SETDB1: variants seen among roughly 807,000 people sequenced by gnomAD.
The protein encoded by SETDB1 is SET domain bifurcated histone lysine methyltransferase 1.
Under a neutral mutation model 137.4 loss-of-function variants are expected in SETDB1, and 31 were observed. The ratio of observed to expected loss-of-function variants is 0.23; its 90% confidence interval spans 0.17 to 0.30. The LOEUF (loss-of-function observed/expected upper bound fraction) is 0.30. SETDB1 is among the 10% of genes least tolerant of loss of function. The pLI, the probability that SETDB1 is intolerant of heterozygous loss-of-function variation, is 1.00. For synonymous variants in SETDB1, 548 were observed against 579.9 expected, an observed-to-expected ratio of 0.95 and a Z score of 0.79; for missense variants, 1,113 against 1,631.5, an observed-to-expected ratio of 0.68 and a Z score of 5.47.
At chr1:150,964,126 C>T (rs1670914228) in intron 21 of SETDB1, 43 bp downstream of exon 21, 1 of 1,572,136 alleles carries the variant, frequency 6.4e-7, no homozygotes, top group African/African-American at 1.3e-5. Context: ...GGGCAAGGAC[C>T]ACTGAAGTTC....
intron 8 of SETDB1, 113 bp downstream of exon 8, chr1:150,944,106 A>G (rs1334773366): frequency 1.4e-5 from 11 of 796,402 alleles, no homozygotes; most frequent in East Asian, 9.8e-5. Flanking sequence ...CTCAAAGAGC[A>G]TAAGTTTGGT....
chr1:150,931,067 C>T (rs1266459674), intron 3 of SETDB1, among the ~76,000 whole-genome samples: 1 of 150,780 alleles, frequency 6.6e-6, no homozygotes, highest in Non-Finnish European at 1.5e-5. Context: ...TGAGACCAGC[C>T]TGGCCAACGT....
At position 150,951,500 on chromosome 1, in the gene SETDB1, G is replaced by A; in HGVS notation, c.2333+19G>A. Reference sequence around the variant, plus strand: ...CCACAGGGTAAGTGGTCAAGGAATGGCACAGTACCTCAGAGAGACTGAGGA... The same window carrying A: ...CCACAGGGTAAGTGGTCAAGGAATGACACAGTACCTCAGAGAGACTGAGGA... On this transcript the variant is annotated intron_variant, in intron 14 of 21. Coordinates refer to ENST00000692827, the MANE Select transcript of SETDB1 (RefSeq NM_001366418.1). 1 of 1,235,462 alleles carries A rather than the reference G, an allele frequency of 8.1e-7. No individual in the cohort carries two copies. The highest frequency in any genetic ancestry group is 1.2e-6 in the Non-Finnish European group (1 of 834,828). The allele number at this position is 1,235,462 out of a possible 1,614,324, so 76.5% of individuals were successfully genotyped here.
chr1:150,964,213 CT>C, intron 21 of SETDB1, 33 bp from the exon 22 acceptor site: 1 of 1,592,692 alleles, frequency 6.3e-7, no homozygotes, highest in Non-Finnish European at 8.6e-7. Flanking sequence ...TATCTGCTGT[CT>C]TTGCCACACA....
At chr1:150,956,385 C>CAA (rs5777743) in intron 14 of SETDB1, among the ~76,000 whole-genome samples, 48 of 116,820 alleles carry the variant, frequency 4.1e-4, no homozygotes, top group Admixed American at 6.7e-4. Flanking sequence ...GACTCCGCCT[C>CAA]AAAAAAAAAA....
At chr1:150,945,295 ATAAAT>A (rs1417732232) in intron 9 of SETDB1, 187 bp downstream of exon 9, 8 of 1,445,226 alleles carry the variant, frequency 5.5e-6, no homozygotes, top group Middle Eastern at 2.5e-4. Context: ...ATTGTTGAAA[ATAAAT>A]TATCTGAATT....
At chr1:150,943,805 C>T (rs746607911) in intron 7 of SETDB1, 115 bp from the exon 8 acceptor site, 2 of 670,322 alleles carry the variant, frequency 3.0e-6, no homozygotes, top group Admixed American at 5.0e-5. Context: ...ATTGTCTTCC[C>T]TGGAGTGCAT....
At chr1:150,933,173 C>T (rs1415920566) in intron 3 of SETDB1, among the ~76,000 whole-genome samples, 2 of 151,930 alleles carry the variant, frequency 1.3e-5, no homozygotes, top group Non-Finnish European at 1.5e-5. Context: ...GATCCTCCCA[C>T]GTCAGCCTCC....
chr1:150,962,273 A>AT, intron 17 of SETDB1, 115 bp downstream of exon 17: 1 of 937,738 alleles, frequency 1.1e-6, no homozygotes, highest in South Asian at 1.3e-5. Flanking sequence ...GGCTCAAGAG[A>AT]TTCTCCCACC....
chr1:150,963,198 C>A, intron 19 of SETDB1, 59 bp downstream of exon 19: 1 of 1,498,156 alleles, frequency 6.7e-7, no homozygotes, highest in Non-Finnish European at 9.2e-7. Flanking sequence ...TGGGATAGAG[C>A]ATTTTTTAAG....
At chr1:150,929,073 T>A (rs1272301278) in intron 2 of SETDB1, among the ~76,000 whole-genome samples, 2 of 152,214 alleles carry the variant, frequency 1.3e-5, no homozygotes, top group African/African-American at 4.8e-5. Flanking sequence ...TGTGTCTTTA[T>A]AGCAGCATGA....
At chr1:150,939,017 C>G (rs755788633) in intron 3 of SETDB1, among the ~76,000 whole-genome samples, 60 of 151,992 alleles carry the variant, frequency 3.9e-4, no homozygotes, top group Non-Finnish European at 7.1e-4. Context: ...TGGCTTACTG[C>G]AACCCTTGCC....
At chr1:150,962,054 G>A (rs1289912333) in intron 16 of SETDB1, 76 bp from the exon 17 acceptor site, 21 of 1,548,384 alleles carry the variant, frequency 1.4e-5, no homozygotes, top group Non-Finnish European at 1.7e-5. Flanking sequence ...ATCTGTGGAG[G>A]TCATTTGAAG....
In SETDB1 at chr1:150,941,757, C is replaced by T. The variant is rs1421739445; in HGVS notation, c.547+329C>T. 2.6e-5 allele frequency among the ~76,000 whole-genome samples: 4 copies of T among 152,078 alleles called. No homozygotes were observed. In the East Asian group the frequency reaches 7.7e-4, roughly 29 times the overall value. On this transcript the variant is annotated intron_variant, in intron 5 of 21. Coordinates refer to ENST00000692827, the MANE Select transcript of SETDB1 (RefSeq NM_001366418.1). ...CTGTAATTCTAGCAGCTTTGGGAGGCTGAGGCAGGAGGATCACTTGAGGCC... is the reference window on the plus strand; with the variant it reads ...CTGTAATTCTAGCAGCTTTGGGAGGTTGAGGCAGGAGGATCACTTGAGGCC...
chr1:150,938,433 T>G (rs1191906893), intron 3 of SETDB1, among the ~76,000 whole-genome samples: 1 of 151,890 alleles, frequency 6.6e-6, no homozygotes, highest in Non-Finnish European at 1.5e-5. Flanking sequence ...AGTGATGAAA[T>G]TCTTCATCAC....
chr1:150,951,511 CAGAG>C, intron 14 of SETDB1, 30 bp downstream of exon 14: 1 of 1,113,200 alleles, frequency 9.0e-7, no homozygotes, highest in Non-Finnish European at 1.4e-6. Flanking sequence ...CACAGTACCT[CAGAG>C]AGACTGAGGA....
intron 3 of SETDB1, among the ~76,000 whole-genome samples, chr1:150,933,045 T>TGGAA (rs150744062): frequency 6.6e-6 from 1 of 151,066 alleles, no homozygotes; most frequent in African/African-American, 2.4e-5. Flanking sequence ...TTTAGTCTTT[T>TGGAA]TGAATGAATG....
chr1:150,936,994 G>A (rs1669965576), intron 3 of SETDB1, among the ~76,000 whole-genome samples: 1 of 152,082 alleles, frequency 6.6e-6, no homozygotes, highest in Non-Finnish European at 1.5e-5. Flanking sequence ...GTATGGTGGT[G>A]GGTGCCTGTA....
intron 15 of SETDB1, 84 bp from the exon 16 acceptor site, chr1:150,960,477 GAA>G (rs374284707): frequency 0.045 from 32,506 of 716,406 alleles, no homozygotes; most frequent in East Asian, 0.067. Flanking sequence ...ACTCCATCTG[GAA>G]AAAAAAAAAA....
Sources: gnomAD v4.1 joint callset for allele counts (sites outside exome capture counted in the v4.1 genomes callset) on GRCh38, gnomAD v4.1.1 for gene constraint, MANE v1.5 for transcripts, NCBI Gene and HGNC (gene_info 2026-07-23, HGNC 2026-07-21) for gene names.